Variants in CAMK2A observed in about 807,000 individuals in gnomAD.
CAMK2A encodes the protein calcium/calmodulin dependent protein kinase II alpha.
Under a neutral mutation model 79.2 loss-of-function variants are expected in CAMK2A, and 7 were observed. The ratio of observed to expected loss-of-function variants is 0.09; its 90% confidence interval spans 0.05 to 0.17. The LOEUF (loss-of-function observed/expected upper bound fraction) is 0.17, where lower values mean the gene tolerates loss of function less well. Among genes scored for constraint, CAMK2A ranks in the 10% least tolerant of loss-of-function variants. CAMK2A has a pLI of 1.00. For missense variants in CAMK2A, 214 were observed against 646.4 expected (o/e 0.33, Z 7.25); for synonymous variants, 242 against 251.7 (o/e 0.96, Z 0.36).
chr5:150,271,230 C>G (rs747450531), intron 2 of CAMK2A, among the ~76,000 whole-genome samples: 7 of 152,244 alleles, frequency 4.6e-5, no homozygotes, highest in Non-Finnish European at 8.8e-5. Flanking sequence ...TAGTTCCCAG[C>G]CTTCCACAAG....
intron 1 of CAMK2A, among the ~76,000 whole-genome samples, chr5:150,274,162 G>T (rs927856526): frequency 6.6e-6 from 1 of 152,214 alleles, no homozygotes; most frequent in African/African-American, 2.4e-5. Flanking sequence ...ATTTGTAATT[G>T]TCACATTAAG....
intron 1 of CAMK2A, among the ~76,000 whole-genome samples, chr5:150,277,614 T>A (rs1757006778): frequency 1.3e-5 from 2 of 152,220 alleles, no homozygotes; most frequent in Non-Finnish European, 2.9e-5. Flanking sequence ...TGGGGTAGTG[T>A]GGGGACCCTG....
intron 17 of CAMK2A, 44 bp downstream of exon 17, chr5:150,228,148 A>G (rs1306762009): frequency 6.6e-7 from 1 of 1,505,154 alleles, no homozygotes; most frequent in African/African-American, 1.4e-5. Flanking sequence ...AGGACATGGA[A>G]CGAGAGCAGA....
chr5:150,249,571 C>CA (rs1755736132), intron 11 of CAMK2A, among the ~76,000 whole-genome samples: 1 of 149,410 alleles, frequency 6.7e-6, no homozygotes, highest in East Asian at 2.0e-4. Flanking sequence ...TTTTTTGAGA[C>CA]AGAGTCTCTC....
At chr5:150,251,039 G>A (rs959849415) in intron 9 of CAMK2A, among the ~76,000 whole-genome samples, 3 of 152,228 alleles carry the variant, frequency 2.0e-5, no homozygotes, top group Non-Finnish European at 2.9e-5. Flanking sequence ...TTCTGAGACT[G>A]TGCCTTATTT....
intron 14 of CAMK2A, among the ~76,000 whole-genome samples, chr5:150,239,024 C>T (rs954713968): frequency 3.3e-5 from 5 of 152,052 alleles, no homozygotes; most frequent in Non-Finnish European, 7.4e-5. Context: ...CCTTTCTGCT[C>T]GAGGGGGTGA....
Position 150,282,029 on chromosome 5 carries a change from A to T in CAMK2A, c.62+7535T>A, listed in dbSNP as rs182938029. 2.0e-3 allele frequency among the ~76,000 whole-genome samples: 307 copies of T among 152,180 alleles called. 2 individuals are homozygous for T. Among genetic ancestry groups the T allele is most frequent in the Non-Finnish European group, 8.5e-4 (58 of 68,010 alleles). On this transcript the variant is annotated intron_variant, in intron 1 of 18. Coordinates refer to ENST00000671881, the MANE Select transcript of CAMK2A (RefSeq NM_015981.4). ...CTATCCCCTTTGCTTGACTCTCCCC[A>T]CTTCTTCCCAGCTCTGTAAGCAGAA... is the stretch of plus-strand genomic sequence containing the variant.
At chr5:150,289,775 A>ATACG, upstream of CAMK2A, 1 of 599,998 alleles carries the variant, frequency 1.7e-6, no homozygotes. Flanking sequence ...GGGGCTTCTG[A>ATACG]GCAGGGCACT....
At chr5:150,259,691 G>A (rs1393160234) in intron 3 of CAMK2A, among the ~76,000 whole-genome samples, 3 of 151,584 alleles carry the variant, frequency 2.0e-5, no homozygotes, top group Non-Finnish European at 2.9e-5. Flanking sequence ...AATTCAGGCC[G>A]GGCACGGTGG....
intron 3 of CAMK2A, among the ~76,000 whole-genome samples, chr5:150,260,532 C>G (rs945176021): frequency 6.6e-6 from 1 of 151,842 alleles, no homozygotes; most frequent in Non-Finnish European, 1.5e-5. Context: ...AATTCTATAC[C>G]TGGGCCCTGC....
At chr5:150,255,724 A>G (rs564257884) in intron 6 of CAMK2A, among the ~76,000 whole-genome samples, 82 of 152,330 alleles carry the variant, frequency 5.4e-4, no homozygotes, top group Non-Finnish European at 1.5e-4. Context: ...TCACCCTAGA[A>G]GGGGCTGCTG....
In CAMK2A at chr5:150,256,971, G is replaced by C; in HGVS notation, c.273-140C>G. 1.6e-6 allele frequency: 1 copy of C among 636,216 alleles called. No individual in the cohort carries two copies. Among genetic ancestry groups the C allele is most frequent in the East Asian group, 2.7e-5 (1 of 36,520 alleles). 39.4% of individuals were successfully genotyped at this position (636,216 alleles called of 1,614,324 possible). The stretch of plus-strand genomic sequence containing the variant: ...AAAGGAGGGGCCCCAGGGTCACGGG[G>C]GTGTCCCCTGCTGCAATGCCCTTCC... On this transcript the variant is annotated intron_variant, in intron 4 of 18. Transcript: ENST00000671881. This position sits in a 1 kb window ranked among gnomAD's most constrained non-coding sequence, Gnocchi z 4.6.
rs919296703 is a variant in CAMK2A, at chr5:150,219,707, G to A, written c.*3003C>T. On this transcript the variant is annotated 3_prime_UTR_variant, in exon 19 of 19. Coordinates refer to ENST00000671881, the MANE Select transcript of CAMK2A (RefSeq NM_015981.4). ...ACAAAGAAACCAGCACGGGGAGTCT[G>A]GCAAACTCATCCCCCAAAAGGGTCT... 3 of 151,826 alleles carry A rather than the reference G, an allele frequency of 2.0e-5. No individual in the cohort carries two copies. The highest frequency in any genetic ancestry group is 7.3e-5 in the African/African-American group (3 of 41,230). 9.4% of individuals were successfully genotyped at this position (151,826 alleles called of 1,614,324 possible).
At chr5:150,286,197 C>T (rs1422242173) in intron 1 of CAMK2A, among the ~76,000 whole-genome samples, 1 of 152,210 alleles carries the variant, frequency 6.6e-6, no homozygotes, top group East Asian at 1.9e-4. Context: ...GAGGGATGAG[C>T]TCATCTCTGG....
In CAMK2A at chr5:150,257,548, C is replaced by A. The variant is rs1299500667; in HGVS notation, c.272+15G>T. The A allele has an allele frequency of 1.9e-6, 3 of 1,561,022 alleles. No homozygotes were observed. The highest frequency in any genetic ancestry group is 1.2e-5 in the South Asian group (1 of 84,488). On this transcript the variant is annotated intron_variant, in intron 4 of 18. Transcript: ENST00000671881. ...CCAACACCGTTGGCGCATCCCAGGGCGGGGCCAAACTCACAGGTCGAAGAT... is the reference window on the plus strand; with the variant it reads ...CCAACACCGTTGGCGCATCCCAGGGAGGGGCCAAACTCACAGGTCGAAGAT...
At chr5:150,287,976 T>TGTGC (rs1562212307) in intron 1 of CAMK2A, among the ~76,000 whole-genome samples, 1 of 148,480 alleles carries the variant, frequency 6.7e-6, no homozygotes, top group African/African-American at 2.5e-5. Context: ...TGTGTGTGTG[T>TGTGC]GCAAGCAGCC....
At position 150,256,429 on chromosome 5, in the gene CAMK2A, G is replaced by T; in HGVS notation, c.411+144C>A. The T allele has an allele frequency of 1.6e-6, 1 of 624,366 alleles. No individual in the cohort carries two copies. Among genetic ancestry groups the T allele is most frequent in the East Asian group, 2.8e-5 (1 of 36,050 alleles). 38.7% of individuals were successfully genotyped at this position (624,366 alleles called of 1,614,324 possible). A position where few individuals can be genotyped will look rare whatever the true frequency, so the allele number is the denominator to read the frequency against. On this transcript the variant is annotated intron_variant, in intron 6 of 18. Transcript: ENST00000671881. The surrounding 1 kb of genome is among the most constrained non-coding windows in gnomAD (Gnocchi z 4.6). ...CTCTGCTTCCTCATCTGAACAGTGG[G>T]GAAAATAATCTCACCCACCCCACCT...
At chr5:150,248,610 T>C (rs554276125) in intron 11 of CAMK2A, among the ~76,000 whole-genome samples, 4 of 151,796 alleles carry the variant, frequency 2.6e-5, no homozygotes, top group Non-Finnish European at 5.9e-5. Context: ...CTTGCGATAG[T>C]TTGCTGAGAA....
In CAMK2A at chr5:150,239,690, C is replaced by G; in HGVS notation, c.1017+14G>C. Reference sequence around the variant, plus strand: ...CCCAGCATTTACCGGCGTTAGGAGACGGCAGACACTCACCATTAACTGAAC... The same window carrying G: ...CCCAGCATTTACCGGCGTTAGGAGAGGGCAGACACTCACCATTAACTGAAC... On this transcript the variant is annotated intron_variant, in intron 14 of 18. Coordinates refer to ENST00000671881, the MANE Select transcript of CAMK2A (RefSeq NM_015981.4). 1 of 1,613,332 alleles carries G rather than the reference C, an allele frequency of 6.2e-7. No individual in the cohort carries two copies.
Sources: allele counts gnomAD v4.1 joint callset (sites outside exome capture counted in the v4.1 genomes callset), GRCh38; gene constraint gnomAD v4.1.1; non-coding constraint Gnocchi (gnomAD v3.1); transcripts MANE v1.5; gene names NCBI Gene and HGNC (gene_info 2026-07-23, HGNC 2026-07-21).